FHDC1: variants seen among roughly 807,000 people sequenced by gnomAD.
FHDC1 encodes the protein FH2 domain-containing protein 1.
A neutral mutation model predicts 52.6 loss-of-function variants in FHDC1; 25 were observed. The ratio of observed to expected loss-of-function variants is 0.48; its 90% CI spans 0.35 to 0.66. FHDC1 has a LOEUF of 0.66. Ranked by LOEUF, FHDC1 falls within the 30% of genes least tolerant of loss-of-function variation. FHDC1 has a pLI of 0.01. For missense variants in FHDC1, 1,459 were observed against 1,452.8 expected (o/e 1.00, Z -0.07); for synonymous variants, 616 against 581.5 (o/e 1.06, Z -0.85).
rs534726759 is a variant in FHDC1, at chr4:152,974,968, C to A, written c.1677C>A (p.Thr559=). Residue 559 remains threonine (T), a synonymous_variant, in exon 12 of 12, where the codon ACC becomes ACA. Coordinates refer to ENST00000511601, the MANE Select transcript of FHDC1 (RefSeq NM_001371116.1). ...TGCTGACCTTCTTGGAGAGCTCCAC[C>A]GGCAGCCCTGAGGAGCCCAATAAGT... ...RELLTFLESS[T]GSPEEPNKFH... 6.2e-7 allele frequency: 1 copy of A among 1,612,556 alleles called. No individual in the cohort carries two copies. Among genetic ancestry groups the A allele is most frequent in the African/African-American group, 1.3e-5 (1 of 75,022 alleles).
chr4:152,966,846 G>A (rs1455300087), intron 9 of FHDC1, among the ~76,000 whole-genome samples: 2 of 152,196 alleles, frequency 1.3e-5, no homozygotes, highest in Non-Finnish European at 2.9e-5. Context: ...AGGGCTGGCT[G>A]TGGTGGCTCA....
chr4:152,960,489 G>T, intron 4 of FHDC1, 76 bp from the exon 5 acceptor site: 1 of 1,221,120 alleles, frequency 8.2e-7, no homozygotes, highest in Non-Finnish European at 1.2e-6. Flanking sequence ...AGAAGAATTG[G>T]AAGATGAAAT....
intron 4 of FHDC1, among the ~76,000 whole-genome samples, chr4:152,959,941 A>ACATCGGT (rs34461196): frequency 0.5 from 76,188 of 151,306 alleles, 19,740 homozygotes; most frequent in South Asian, 0.7. Flanking sequence ...GGCAATCTTA[A>ACATCGGT]CGTCCCGTTG....
rs748236392 is a variant in FHDC1 at position 152,976,446 on chromosome 4, C to T, written c.3155C>T (p.Pro1052Leu). The change falls in exon 12 of 12, where the codon CCT (proline) becomes CTT (leucine). Residue 1052 changes from proline to leucine, a missense_variant. By Grantham distance (98) the Pro-to-Leu change is moderately conservative. Transcript: ENST00000511601. Reference protein sequence around the residue: ...SSSRSMRTDLPPVAKAPGITR... With the variant: ...SSSRSMRTDLLPVAKAPGITR... ...TCTCGAAGCATGAGAACAGATCTTCCTCCCGTGGCCAAAGCCCCCGGCATC... is the reference window on the plus strand; with the variant it reads ...TCTCGAAGCATGAGAACAGATCTTCTTCCCGTGGCCAAAGCCCCCGGCATC... 3.1e-6 allele frequency: 5 copies of T among 1,613,736 alleles called. No individual in the cohort carries two copies. Among genetic ancestry groups the T allele is most frequent in the Non-Finnish European group, 4.2e-6 (5 of 1,180,028 alleles).
Position 152,976,383 on chromosome 4 carries a change from G to A in FHDC1, c.3092G>A (p.Arg1031His), listed in dbSNP as rs868621655. The change falls in exon 12 of 12, where the codon CGT (arginine) becomes CAT (histidine). Residue 1031 changes from arginine to histidine, a missense_variant. By Grantham distance (29) the Arg-to-His change is conservative. Around this residue, in one of 3 missense-constraint regions of FHDC1, gnomAD observed 939 missense variants for 854.5 expected, o/e 1.10. Coordinates refer to ENST00000511601, the MANE Select transcript of FHDC1 (RefSeq NM_001371116.1). ...SVPSVPHELP[R>H]VPSFARNTVA... is the part of the protein sequence containing the mutation. ...CCCAGCGTCCCCCACGAACTACCCC[G>A]TGTCCCGAGCTTTGCCCGGAACACA... The A allele has an allele frequency of 1.9e-6, 3 of 1,613,754 alleles. No individual in the cohort carries two copies. Among genetic ancestry groups the A allele is most frequent in the South Asian group, 2.2e-5 (2 of 91,076 alleles).
intron 4 of FHDC1, among the ~76,000 whole-genome samples, chr4:152,957,504 T>C (rs982594142): frequency 6.6e-6 from 1 of 152,202 alleles, no homozygotes; most frequent in Non-Finnish European, 1.5e-5. Flanking sequence ...CTGATTCCGC[T>C]GAGCCCAGTG....
the FHDC1 span, among the ~76,000 whole-genome samples, chr4:152,913,549 C>T: frequency 2.4e-4 from 37 of 152,170 alleles, no homozygotes; most frequent in South Asian, 8.3e-4. Context: ...ATGCTAATTT[C>T]GTAAAGTACT....
intron 4 of FHDC1, among the ~76,000 whole-genome samples, chr4:152,960,247 T>C (rs910300243): frequency 4.3e-4 from 66 of 152,340 alleles, no homozygotes; most frequent in African/African-American, 1.6e-3. Context: ...TCCTTAGAAC[T>C]GATTCCTTTT....
At chr4:152,923,505 CTACTT>C in the FHDC1 span, among the ~76,000 whole-genome samples, 1 of 152,112 alleles carries the variant, frequency 6.6e-6, no homozygotes, top group Non-Finnish European at 1.5e-5. Flanking sequence ...TTGGAAAAAA[CTACTT>C]TAAAGTTCAT....
chr4:152,948,037 T>C (rs1214008243), intron 2 of FHDC1, among the ~76,000 whole-genome samples: 1 of 152,242 alleles, frequency 6.6e-6, no homozygotes, highest in East Asian at 1.9e-4. Context: ...AAAAATGTGC[T>C]TCAACTGGAT....
rs556263275 is a variant in FHDC1, at chr4:152,943,259, G to A, written c.202G>A (p.Gly68Arg). Reference sequence around the variant, plus strand: ...TCCACCCCCACCACCTCCACTTCCTGGGGAGCCTCCCATCCCACCTCCCCC... The same window carrying A: ...TCCACCCCCACCACCTCCACTTCCTAGGGAGCCTCCCATCCCACCTCCCCC... Reference protein sequence around the residue: ...PPPPPPPPLPGEPPIPPPPPG... With the variant: ...PPPPPPPPLPREPPIPPPPPG... Residue 68 changes from glycine (G) to arginine (R), a missense_variant, in exon 2 of 12, where the codon GGG (glycine) becomes AGG (arginine). Gly to Arg is a moderately radical substitution (Grantham distance 125, BLOSUM62 -2). Around this residue, in one of 3 missense-constraint regions of FHDC1, gnomAD observed 513 missense variants for 581.5 expected, o/e 0.88. Transcript: ENST00000511601. The A allele has an allele frequency of 1.7e-5, 26 of 1,532,882 alleles. No individual in the cohort carries two copies. The East Asian group carries it at 6.2e-4, about 37-fold the overall frequency. The allele number at this position is 1,532,882 out of a possible 1,614,324, so 95.0% of individuals were successfully genotyped here.
At chr4:152,949,319 AT>A (rs966717695) in intron 2 of FHDC1, among the ~76,000 whole-genome samples, 8 of 151,428 alleles carry the variant, frequency 5.3e-5, no homozygotes, top group South Asian at 2.1e-4. Flanking sequence ...CCACAAAAAA[AT>A]GTCTTAAAAA....
intron 4 of FHDC1, among the ~76,000 whole-genome samples, chr4:152,957,264 C>A (rs1050592482): frequency 6.6e-6 from 1 of 152,200 alleles, no homozygotes; most frequent in African/African-American, 2.4e-5. Context: ...CCCCATGTAC[C>A]AGGCACTGAC....
chr4:152,929,978 G>A, the FHDC1 span, among the ~76,000 whole-genome samples: 1 of 152,142 alleles, frequency 6.6e-6, no homozygotes, highest in Non-Finnish European at 1.5e-5. This position sits in a 1 kb window ranked among gnomAD's most constrained non-coding sequence, Gnocchi z 4.1. Flanking sequence ...GCCATTTCCA[G>A]CATGAAAACA....
chr4:152,928,257 C>A, the FHDC1 span: 1 of 674,532 alleles, frequency 1.5e-6, no homozygotes, highest in South Asian at 1.6e-5. Flanking sequence ...TAGATCGGAC[C>A]ATTCACGCTG....
At chr4:152,960,307 T>C (rs1057278605) in intron 4 of FHDC1, among the ~76,000 whole-genome samples, 6 of 152,218 alleles carry the variant, frequency 3.9e-5, no homozygotes, top group African/African-American at 1.4e-4. Flanking sequence ...GCTCCAGCTC[T>C]CCAGTTTACA....
intron 4 of FHDC1, among the ~76,000 whole-genome samples, chr4:152,959,941 A>ACATCGCT (rs34461196): frequency 6.6e-6 from 1 of 151,274 alleles, no homozygotes; most frequent in African/African-American, 2.4e-5. Flanking sequence ...GGCAATCTTA[A>ACATCGCT]CGTCCCGTTG....
intron 10 of FHDC1, 133 bp downstream of exon 10, chr4:152,968,230 G>A: frequency 1.6e-6 from 1 of 628,260 alleles, no homozygotes; most frequent in Non-Finnish European, 2.8e-6. Flanking sequence ...GTTAGTCAGA[G>A]GAACTTGGTA....
chr4:152,945,552 G>A (rs1433900190), intron 2 of FHDC1, among the ~76,000 whole-genome samples: 1 of 152,092 alleles, frequency 6.6e-6, no homozygotes, highest in Non-Finnish European at 1.5e-5. Context: ...CACCTTCTGG[G>A]TTCAGGACAT....
Sources: gnomAD v4.1 joint callset for allele counts (sites outside exome capture counted in the v4.1 genomes callset) on GRCh38, gnomAD v4.1.1 for gene constraint, gnomAD v4.1.1 regional missense constraint, Gnocchi (gnomAD v3.1) non-coding constraint, MANE v1.5 for transcripts, NCBI Gene and HGNC (gene_info 2026-07-23, HGNC 2026-07-21) for gene names.